The following USP49 variants were observed in gnomAD, a reference collection of about 807,000 sequenced individuals.
USP49 encodes ubiquitin carboxyl-terminal hydrolase 49.
In USP49, 24 loss-of-function variants were observed where a neutral mutation model predicts 58.6. The observed-to-expected ratio is 0.41, with a 90% CI of 0.30 to 0.58. The LOEUF is 0.58. Ranked by LOEUF, USP49 falls within the 20% of genes least tolerant of loss-of-function variation. USP49 has a pLI of 0.30. For synonymous variants in USP49, 408 were observed against 365.1 expected (o/e 1.12, Z -1.34); for missense variants, 703 against 866.1 (o/e 0.81, Z 2.36).
chr6:41,790,595 G>A lies in USP49; in HGVS notation c.*5938C>T, dbSNP rs1329285986. 6.6e-6 allele frequency: 1 copy of A among 151,980 alleles called. No homozygotes were observed. The highest frequency in any genetic ancestry group is 2.4e-5 in the African/African-American group (1 of 41,360). 9.4% of individuals were successfully genotyped at this position (151,980 alleles called of 1,614,324 possible). A position where few individuals can be genotyped will look rare whatever the true frequency, so the allele number is the denominator to read the frequency against. On this transcript the variant is annotated 3_prime_UTR_variant, in exon 8 of 8. Transcript: ENST00000682992. ...TTAAAGGACGTTAATTGGAAAGGAG[G>A]GTCAGTATATAAGGACCACAGTGGC...
chr6:41,889,376 C>T (rs1367057392), intron 2 of USP49, among the ~76,000 whole-genome samples: 4 of 152,144 alleles, frequency 2.6e-5, no homozygotes, highest in African/African-American at 7.2e-5. Context: ...TTGATCTTTT[C>T]CAGCTCCTTG....
intron 5 of USP49, among the ~76,000 whole-genome samples, chr6:41,802,427 A>ATT (rs376541033): frequency 1.1e-4 from 9 of 81,194 alleles, no homozygotes; most frequent in African/African-American, 3.3e-4. Flanking sequence ...ATTTTATTTT[A>ATT]TTTTATTTAT....
chr6:41,806,361 C>T lies in USP49; in HGVS notation c.623G>A (p.Ser208Asn). 6.5e-7 allele frequency: 1 copy of T among 1,535,440 alleles called. No homozygotes were observed. The highest frequency in any genetic ancestry group is 8.7e-7 in the Non-Finnish European group (1 of 1,152,012). ...EELASTPPRK[S>N]ARLLLHTPRD... ...GGGCGTGTGCAGGAGCAGCCGTGCACTCTTGCGCGGAGGGGTGCTGGCCAG... is the reference window on the plus strand; with the variant it reads ...GGGCGTGTGCAGGAGCAGCCGTGCATTCTTGCGCGGAGGGGTGCTGGCCAG... Residue 208 changes from serine (S) to asparagine (N), a missense_variant, in exon 4 of 8, where the codon AGT (serine) becomes AAT (asparagine). Ser to Asn is a conservative substitution (Grantham distance 46). This residue lies in a region of USP49 where 376 missense variants were observed against 373.5 expected (regional missense o/e 1.01). Coordinates refer to ENST00000682992, the MANE Select transcript of USP49 (RefSeq NM_001286554.2). This position sits in a 1 kb window ranked among gnomAD's most constrained non-coding sequence, Gnocchi z 5.9.
At chr6:41,868,212 C>T (rs1353489385) in intron 3 of USP49, among the ~76,000 whole-genome samples, 1 of 152,198 alleles carries the variant, frequency 6.6e-6, no homozygotes. Flanking sequence ...ACAGTATCTA[C>T]CTCATAAGTG....
chr6:41,790,911 G>A lies in USP49; in HGVS notation c.*5622C>T, dbSNP rs1275786352. The A allele has an allele frequency of 6.6e-6, 1 of 152,136 alleles. No individual in the cohort carries two copies. Among genetic ancestry groups the A allele is most frequent in the East Asian group, 1.9e-4 (1 of 5,188 alleles). 9.4% of individuals were successfully genotyped at this position (152,136 alleles called of 1,614,324 possible). Reference sequence around the variant, plus strand: ...CATGAGAGCAAAGCTTAGCTTTGAAGCCATCACCTCCCAAATGGTGACCAA... The same window carrying A: ...CATGAGAGCAAAGCTTAGCTTTGAAACCATCACCTCCCAAATGGTGACCAA... On this transcript the variant is annotated 3_prime_UTR_variant, in exon 8 of 8. Transcript: ENST00000682992.
chr6:41,859,478 C>G (rs1483143437), intron 3 of USP49, among the ~76,000 whole-genome samples: 12 of 152,168 alleles, frequency 7.9e-5, no homozygotes, highest in Non-Finnish European at 4.4e-5. Context: ...GCTCTCCGAG[C>G]ACGTGTGTAC....
intron 2 of USP49, among the ~76,000 whole-genome samples, chr6:41,881,168 G>A (rs1272483956): frequency 1.3e-5 from 2 of 151,244 alleles, no homozygotes; most frequent in Non-Finnish European, 2.9e-5. Flanking sequence ...TCCTGACCTC[G>A]TGATCCACCC....
intron 7 of USP49, chr6:41,797,841 A>C (rs1772913640): frequency 1.0e-6 from 1 of 980,356 alleles, no homozygotes; most frequent in Non-Finnish European, 1.2e-6. Flanking sequence ...CACTGACTGA[A>C]TAAGTACTAT....
chr6:41,877,766 G>C (rs546051595), intron 2 of USP49, among the ~76,000 whole-genome samples: 16 of 152,178 alleles, frequency 1.1e-4, no homozygotes, highest in African/African-American at 2.9e-4. Flanking sequence ...TCACCATGTT[G>C]TCCAAGCTGG....
At position 41,802,460 on chromosome 6, in the gene USP49, A is replaced by AT. The variant is rs71545916; in HGVS notation, c.1561+1345dup. Among the ~76,000 whole-genome samples, 36 of 71,386 alleles carry AT rather than the reference A, an allele frequency of 5.0e-4. 1 individual carries two copies. Among genetic ancestry groups the AT allele is most frequent in the African/African-American group, 1.8e-3 (31 of 17,234 alleles). 46.8% of individuals were successfully genotyped at this position (71,386 alleles called of 152,430 possible). A position where few individuals can be genotyped will look rare whatever the true frequency, so the allele number is the denominator to read the frequency against. On this transcript the variant is annotated intron_variant, in intron 5 of 7. Transcript: ENST00000682992. Reference sequence around the variant, plus strand: ...TATTTATTTATTTATTTATTTATTTATTTATTTATTTTTTATTTATTTTTT... The same window carrying AT: ...TATTTATTTATTTATTTATTTATTTATTTTATTTATTTTTTATTTATTTTTT...
intron 3 of USP49, among the ~76,000 whole-genome samples, chr6:41,841,042 A>C (rs1293383498): frequency 6.6e-6 from 1 of 151,624 alleles, no homozygotes. Context: ...ACAAAAAAAA[A>C]CCTTTTTACT....
chr6:41,831,929 A>G (rs566663643), intron 3 of USP49, among the ~76,000 whole-genome samples: 4 of 152,238 alleles, frequency 2.6e-5, no homozygotes, highest in African/African-American at 9.6e-5. Context: ...TTGAGATGCT[A>G]TCCTTCCTCT....
At chr6:41,825,323 T>C (rs186881556) in intron 3 of USP49, among the ~76,000 whole-genome samples, 4 of 152,068 alleles carry the variant, frequency 2.6e-5, no homozygotes, top group Non-Finnish European at 4.4e-5. Flanking sequence ...TAAGTAAATG[T>C]TGACAGAAAG....
intron 1 of USP49, among the ~76,000 whole-genome samples, chr6:41,894,735 C>G (rs1037734270): frequency 3.9e-5 from 6 of 152,120 alleles, no homozygotes; most frequent in East Asian, 1.9e-4. Flanking sequence ...ACACCTAACC[C>G]CAGGATCCCT....
intron 2 of USP49, among the ~76,000 whole-genome samples, chr6:41,883,227 A>G (rs1192241): frequency 0.49 from 74,371 of 151,114 alleles, 18,338 homozygotes; most frequent in Middle Eastern, 0.52. Flanking sequence ...GGTGGCACAC[A>G]CCTGTAATCC....
intron 3 of USP49, among the ~76,000 whole-genome samples, chr6:41,807,805 CCT>C (rs1773169387): frequency 2.0e-5 from 3 of 151,182 alleles, no homozygotes; most frequent in East Asian, 3.9e-4. Flanking sequence ...GTCGAGCCTC[CCT>C]CTGTCACCCA....
chr6:41,831,634 T>C (rs2127342249), intron 3 of USP49, among the ~76,000 whole-genome samples: 1 of 151,990 alleles, frequency 6.6e-6, no homozygotes, highest in South Asian at 2.1e-4. Flanking sequence ...ACTAATCATT[T>C]TTCTTCACCA....
rs1343564765 is a variant in USP49 at position 41,803,316 on chromosome 6, T to C, written c.1561+490A>G. Among the ~76,000 whole-genome samples, 5 of 152,326 alleles carry C rather than the reference T, an allele frequency of 3.3e-5. No individual in the cohort carries two copies. The highest frequency in any genetic ancestry group is 2.0e-4 in the Admixed American group (3 of 15,284). On this transcript the variant is annotated intron_variant, in intron 5 of 7. Transcript: ENST00000682992. This position sits in a 1 kb window ranked among gnomAD's most constrained non-coding sequence, Gnocchi z 4.1. ...GTTTCATTTGTTGTTGTTGTTGTTGTTGTTTGAAACGGAGTCTTGCTCTGT... is the reference window on the plus strand; with the variant it reads ...GTTTCATTTGTTGTTGTTGTTGTTGCTGTTTGAAACGGAGTCTTGCTCTGT...
chr6:41,810,451 C>T (rs939597835), intron 3 of USP49, among the ~76,000 whole-genome samples: 20 of 150,514 alleles, frequency 1.3e-4, no homozygotes, highest in South Asian at 2.1e-4. Flanking sequence ...ATTGTGCCAT[C>T]GCACTCCAGC....
Sources: gnomAD v4.1 joint callset for allele counts (sites outside exome capture counted in the v4.1 genomes callset) on GRCh38, gnomAD v4.1.1 for gene constraint, gnomAD v4.1.1 regional missense constraint, Gnocchi (gnomAD v3.1) non-coding constraint, MANE v1.5 for transcripts, NCBI Gene and HGNC (gene_info 2026-07-23, HGNC 2026-07-21) for gene names.